The following RAB19 variants were observed in gnomAD, a reference collection of about 807,000 sequenced individuals.
The protein encoded by RAB19 is ras-related protein Rab-19.
RAB19 carries 21 observed loss-of-function variants against 17.3 expected under a neutral mutation model. The ratio of observed to expected loss-of-function variants is 1.21; its 90% CI spans 0.86 to 1.74. The LOEUF (loss-of-function observed/expected upper bound fraction) is 1.74. Ranked by LOEUF, RAB19 falls within the 40% of genes most tolerant of loss-of-function variation. RAB19 has a pLI of 0.00. For missense variants in RAB19, 277 were observed against 286.8 expected (o/e 0.97, Z 0.25); for synonymous variants, 126 against 110.4 (o/e 1.14, Z -0.88).
At chr7:140,417,977 G>A (rs1308139105) in intron 3 of RAB19, among the ~76,000 whole-genome samples, 3 of 152,118 alleles carry the variant, frequency 2.0e-5, no homozygotes, top group Admixed American at 1.3e-4. Flanking sequence ...TGTTAGCATT[G>A]ACAGCTGCCT....
At chr7:140,415,058 T>TC in intron 3 of RAB19, among the ~76,000 whole-genome samples, 1 of 151,642 alleles carries the variant, frequency 6.6e-6, no homozygotes, top group East Asian at 1.9e-4. Flanking sequence ...CCTGACCTCT[T>TC]TTTTTTTCTT....
chr7:140,406,939 G>A (rs750773667), intron 1 of RAB19, among the ~76,000 whole-genome samples: 37 of 151,778 alleles, frequency 2.4e-4, no homozygotes, highest in Middle Eastern at 3.4e-3. Flanking sequence ...AGGCTGGAGT[G>A]CAAAGGCATG....
rs920756744 is a variant in RAB19, at chr7:140,410,565, A to G, written c.202-1309A>G. 8.6e-5 allele frequency among the ~76,000 whole-genome samples: 13 copies of G among 151,824 alleles called. 1 individual carries two copies. Among genetic ancestry groups the G allele is most frequent in the African/African-American group, 3.1e-4 (13 of 41,442 alleles). On this transcript the variant is annotated intron_variant, in intron 2 of 3. Coordinates refer to ENST00000537763, the MANE Select transcript of RAB19 (RefSeq NM_001008749.3). ...ATGGTCTCGATCTCCTGACCTCATG[A>G]TCCACCCGCCTCGGCCTCCCAAAGT...
In RAB19 at chr7:140,407,720, A is replaced by G; in HGVS notation, c.74A>G (p.Asp25Gly). The change falls in exon 2 of 4, where the codon GAT (aspartate) becomes GGT (glycine). Residue 25 changes from aspartate to glycine, a missense_variant. Asp to Gly is a moderately conservative substitution (Grantham distance 94). Transcript: ENST00000537763. ...TTGTTCAAGATTATCCTCATTGGGGATTCCAATGTGGGGAAGACGTGTGTG... is the reference window on the plus strand; with the variant it reads ...TTGTTCAAGATTATCCTCATTGGGGGTTCCAATGTGGGGAAGACGTGTGTG... ...DYLFKIILIG[D>G]SNVGKTCVVQ... 6.2e-7 allele frequency: 1 copy of G among 1,613,680 alleles called. No homozygotes were observed. The highest frequency in any genetic ancestry group is 1.6e-4 in the Middle Eastern group (1 of 6,062).
intron 3 of RAB19, among the ~76,000 whole-genome samples, chr7:140,423,313 G>A (rs972632492): frequency 1.3e-5 from 2 of 151,678 alleles, no homozygotes; most frequent in Non-Finnish European, 2.9e-5. Context: ...GGTGGCATGC[G>A]CCTGGAGTCC....
At chr7:140,412,157 G>A (rs180960695) in intron 3 of RAB19, 100 bp downstream of exon 3, 4 of 1,275,806 alleles carry the variant, frequency 3.1e-6, no homozygotes, top group Non-Finnish European at 4.4e-6. Flanking sequence ...AATCTTAAAA[G>A]TGTAAGTGAT....
intron 3 of RAB19, among the ~76,000 whole-genome samples, chr7:140,424,588 T>C (rs955797772): frequency 4.7e-5 from 3 of 64,184 alleles, no homozygotes; most frequent in African/African-American, 3.2e-4. Flanking sequence ...GACCTCTCCC[T>C]CTCTCTCTCT....
chr7:140,425,903 A>G lies in RAB19; in HGVS notation c.407A>G (p.Glu136Gly), dbSNP rs375344241. The change falls in exon 4 of 4, where the codon GAA becomes GGA. Residue 136 changes from glutamate to glycine, a missense_variant. Glu to Gly is a moderately conservative substitution (Grantham distance 98). Coordinates refer to ENST00000537763, the MANE Select transcript of RAB19 (RefSeq NM_001008749.3). ...CCAGGAAATAAATGTGACCTCTGGG[A>G]AAAGCGGCACGTCCTGTTCGAGGAT... is the stretch of plus-strand genomic sequence containing the variant. Reference protein sequence around the residue: ...MLIGNKCDLWEKRHVLFEDAC... With the variant: ...MLIGNKCDLWGKRHVLFEDAC... 3.1e-6 allele frequency: 5 copies of G among 1,611,222 alleles called. No homozygotes were observed. Among genetic ancestry groups the G allele is most frequent in the Non-Finnish European group, 4.2e-6 (5 of 1,178,136 alleles).
chr7:140,418,433 G>A (rs992537123), intron 3 of RAB19, among the ~76,000 whole-genome samples: 10 of 150,144 alleles, frequency 6.7e-5, no homozygotes, highest in Non-Finnish European at 8.9e-5. Flanking sequence ...TTAGCCGGGC[G>A]TGGCAGTATG....
At chr7:140,411,757 G>A in intron 2 of RAB19, 117 bp from the exon 3 acceptor site, 5 of 1,587,556 alleles carry the variant, frequency 3.1e-6, no homozygotes, top group African/African-American at 1.3e-5. Flanking sequence ...GATCTACTGG[G>A]TCTGAATATC....
At chr7:140,422,863 T>A (rs1011469528) in intron 3 of RAB19, among the ~76,000 whole-genome samples, 3 of 152,132 alleles carry the variant, frequency 2.0e-5, no homozygotes, top group Admixed American at 1.3e-4. Context: ...ATCCCAGCAC[T>A]TTGGGAGGCC....
intron 1 of RAB19, among the ~76,000 whole-genome samples, chr7:140,405,609 G>A (rs533957838): frequency 3.3e-5 from 5 of 151,952 alleles, no homozygotes; most frequent in South Asian, 2.1e-4. Flanking sequence ...ACCTCCTGGC[G>A]TCAAGTGATC....
At chr7:140,424,092 T>A (rs1263658921) in intron 3 of RAB19, among the ~76,000 whole-genome samples, 1 of 151,754 alleles carries the variant, frequency 6.6e-6, no homozygotes, top group Non-Finnish European at 1.5e-5. Context: ...TGACCTCAGG[T>A]GATCCACCCG....
intron 3 of RAB19, among the ~76,000 whole-genome samples, chr7:140,412,673 T>C (rs1799389267): frequency 6.6e-6 from 1 of 151,358 alleles, no homozygotes; most frequent in Non-Finnish European, 1.5e-5. Flanking sequence ...TGGCCCTTTA[T>C]TTTTATTTTT....
intron 2 of RAB19, 24 bp from the exon 3 acceptor site, chr7:140,411,850 A>G (rs771989685): frequency 6.2e-7 from 1 of 1,613,524 alleles, no homozygotes; most frequent in Non-Finnish European, 8.5e-7. Context: ...CCTGATTTGG[A>G]CTCTCCTTCC....
At chr7:140,422,505 T>C (rs1292024744) in intron 3 of RAB19, among the ~76,000 whole-genome samples, 1 of 152,194 alleles carries the variant, frequency 6.6e-6, no homozygotes, top group African/African-American at 2.4e-5. Context: ...AGTCCATTCA[T>C]GCTCTTGGGA....
At chr7:140,407,494 T>C in intron 1 of RAB19, 130 bp from the exon 2 acceptor site, 1 of 641,576 alleles carries the variant, frequency 1.6e-6, no homozygotes. Context: ...ACAACTCCTC[T>C]GTGCCCGACT....
intron 3 of RAB19, among the ~76,000 whole-genome samples, chr7:140,412,922 C>T (rs1304527141): frequency 6.6e-6 from 1 of 151,006 alleles, no homozygotes; most frequent in African/African-American, 2.4e-5. Flanking sequence ...CCCAGGGTTT[C>T]AAGACCAGCC....
intron 3 of RAB19, among the ~76,000 whole-genome samples, chr7:140,418,378 C>T (rs1198445738): frequency 1.7e-5 from 2 of 118,366 alleles, no homozygotes. Context: ...ATGGTGAAAC[C>T]CCGTCTCTGC....
Sources: allele counts gnomAD v4.1 joint callset (sites outside exome capture counted in the v4.1 genomes callset), GRCh38; gene constraint gnomAD v4.1.1; transcripts MANE v1.5; gene names NCBI Gene and HGNC (gene_info 2026-07-23, HGNC 2026-07-21).